The following RIIAD1 variants were observed in gnomAD, a reference collection of about 807,000 sequenced individuals.
The protein encoded by RIIAD1 is RIIa domain-containing protein 1.
Under a neutral mutation model 13.3 loss-of-function variants are expected in RIIAD1, and 15 were observed. The observed-to-expected ratio is 1.13, with a 90% CI of 0.76 to 1.74. RIIAD1 has a LOEUF of 1.74. RIIAD1 is among the 40% of genes most tolerant of loss of function. The pLI is 0.00. For synonymous variants in RIIAD1, 50 were observed against 43.3 expected (o/e 1.16, Z -0.61); for missense variants, 121 against 112.2 (o/e 1.08, Z -0.35).
chr1:151,714,750 C>T (rs968017761), intron 4 of RIIAD1: 11 of 1,078,374 alleles, frequency 1.0e-5, no homozygotes, highest in African/African-American at 1.6e-5. Flanking sequence ...AGGCTCCCTT[C>T]CAAAGACTGA....
At chr1:151,724,611 A>G (rs1468500179) in intron 2 of RIIAD1, among the ~76,000 whole-genome samples, 1 of 152,188 alleles carries the variant, frequency 6.6e-6, no homozygotes, top group Non-Finnish European at 1.5e-5. Flanking sequence ...TTTAGATCCT[A>G]ATGATTTATG....
intron 2 of RIIAD1, among the ~76,000 whole-genome samples, chr1:151,712,912 C>G (rs1324990444): frequency 6.6e-6 from 1 of 152,122 alleles, no homozygotes; most frequent in African/African-American, 2.4e-5. Context: ...TGCATGCACA[C>G]ACACTCATGC....
intron 4 of RIIAD1, chr1:151,716,495 C>T: frequency 3.1e-6 from 1 of 323,986 alleles, no homozygotes; most frequent in South Asian, 2.5e-5. Context: ...GGGGGGCCCA[C>T]TCCTGATGTG....
upstream of RIIAD1, chr1:151,716,728 G>T (rs1272434910): frequency 1.4e-5 from 6 of 425,220 alleles, no homozygotes; most frequent in Non-Finnish European, 2.8e-5. Flanking sequence ...TGCTCCCGCC[G>T]CTGGGGCTGC....
chr1:151,721,752 C>A, intron 1 of RIIAD1, 132 bp downstream of exon 1: 1 of 537,924 alleles, frequency 1.9e-6, no homozygotes, highest in Non-Finnish European at 3.1e-6. Context: ...GGGGAGGGCG[C>A]AGGGGAGACC....
At position 151,722,096 on chromosome 1, in the gene RIIAD1, G is replaced by A. The variant is rs754638346; in HGVS notation, c.95G>A (p.Arg32Gln). The change falls in exon 2 of 5, where the codon CGG becomes CAG. Residue 32 changes from arginine to glutamine, a missense_variant. By Grantham distance (43) the Arg-to-Gln change is conservative (BLOSUM62 1). Coordinates refer to ENST00000479191, the MANE Select transcript of RIIAD1 (RefSeq NM_001144956.3). The stretch of plus-strand genomic sequence containing the variant: ...GTTCTTGCCCCCCAGATTCAGACTC[G>A]GATTGCTAACGAAAAGTACCTAAGG... ...EQLRKFKIQTRIANEKYLRTH... is the reference protein window; with the variant it reads ...EQLRKFKIQTQIANEKYLRTH... The A allele has an allele frequency of 6.4e-6, 10 of 1,550,608 alleles. No homozygotes were observed. Among genetic ancestry groups the A allele is most frequent in the Non-Finnish European group, 8.7e-6 (10 of 1,146,236 alleles).
upstream of RIIAD1, among the ~76,000 whole-genome samples, chr1:151,718,623 G>C (rs866571782): frequency 6.6e-6 from 1 of 152,200 alleles, no homozygotes; most frequent in South Asian, 2.1e-4. Context: ...TTGCATTTGA[G>C]TGAATGTGTA....
At chr1:151,718,687 G>A (rs368265314), upstream of RIIAD1, among the ~76,000 whole-genome samples, 18 of 152,300 alleles carry the variant, frequency 1.2e-4, no homozygotes, top group Middle Eastern at 6.8e-3. Flanking sequence ...CCCCCAAGTA[G>A]GGTCCCCTAA....
Position 151,728,796 on chromosome 1 carries a change from A to G in RIIAD1, c.239A>G (p.Lys80Arg). ...TTCACGGATCCAAGACTTCCCAACA[A>G]GATTCACATGCAGCTAATTAAAGAC... ...DYFTDPRLPN[K>R]IHMQLIKDKK... The change falls in exon 4 of 5, where the codon AAG (lysine) becomes AGG (arginine). Residue 80 changes from lysine (K) to arginine (R), a missense_variant. By Grantham distance (26) the Lys-to-Arg change is conservative. Coordinates refer to ENST00000479191, the MANE Select transcript of RIIAD1 (RefSeq NM_001144956.3). The G allele has an allele frequency of 6.5e-7, 1 of 1,545,956 alleles. No homozygotes were observed. Among genetic ancestry groups the G allele is most frequent in the East Asian group, 2.4e-5 (1 of 40,878 alleles).
chr1:151,720,181 T>C (rs1296449419), upstream of RIIAD1, among the ~76,000 whole-genome samples: 2 of 152,214 alleles, frequency 1.3e-5, no homozygotes, highest in Non-Finnish European at 2.9e-5. Flanking sequence ...ATTTAACACC[T>C]ACAGCCACTT....
Position 151,724,665 on chromosome 1 carries a change from G to A in RIIAD1, c.161+2503G>A, listed in dbSNP as rs566697386. 5.1e-4 allele frequency among the ~76,000 whole-genome samples: 77 copies of A among 152,300 alleles called. 1 individual carries two copies. In the South Asian group the frequency reaches 0.01, roughly 20 times the overall value. ...TCCAGCCTATATTGGTAAATACAGC[G>A]TACCAAACTCTTAACACCTTGAGTT... On this transcript the variant is annotated intron_variant, in intron 2 of 4. Transcript: ENST00000479191.
At chr1:151,727,723 G>A (rs1049298543) in intron 3 of RIIAD1, 102 bp downstream of exon 3, 2 of 783,108 alleles carry the variant, frequency 2.6e-6, no homozygotes, top group African/African-American at 1.8e-5. Flanking sequence ...CCAGAGTCTG[G>A]GGTACTCCTT....
At position 151,715,869 on chromosome 1, in the gene RIIAD1, C is replaced by T. The variant is rs763351161; in HGVS notation, c.21+1340C>T. 36 of 1,610,814 alleles carry T rather than the reference C, an allele frequency of 2.2e-5. No individual in the cohort carries two copies. The South Asian group carries it at 3.7e-4, about 17-fold the overall frequency. ...CCGAAGCCTCTTCAGCCTGCCCGAC[C>T]CCTCACCCTTGTGCAGCCCGGTGTA... On this transcript the variant is annotated intron_variant, in intron 4 of 8. Transcript: ENST00000326413.
At chr1:151,716,852 T>C (rs1048875148), upstream of RIIAD1, 8 of 440,082 alleles carry the variant, frequency 1.8e-5, no homozygotes, top group East Asian at 7.8e-5. Flanking sequence ...TCCCCTGACA[T>C]CAGTGATGTC....
rs1673460228 is a variant in RIIAD1, at chr1:151,716,095, G to T, written c.21+1566G>T. ...GCCAAGGGGAGCTGCCCAGCAAGGA[G>T]ATAAGTGGTGGGGCCCGGGGGCCCA... On this transcript the variant is annotated intron_variant, in intron 4 of 8. Coordinates refer to the RIIAD1 transcript ENST00000326413. 3.6e-5 allele frequency: 53 copies of T among 1,471,508 alleles called. 1 individual carries two copies. The South Asian group carries it at 7.0e-4, about 19-fold the overall frequency. 91.2% of individuals were successfully genotyped at this position (1,471,508 alleles called of 1,614,324 possible).
Position 151,727,574 on chromosome 1 carries a change from G to C in RIIAD1, c.162-1G>C. ...CCATCCTATCCCTTAATGTTTTCCA[G>C]AGAAATATTTTTGAAAAGACCAGAC... On this transcript the variant is annotated splice_acceptor_variant, in intron 2 of 4. Coordinates refer to ENST00000479191, the MANE Select transcript of RIIAD1 (RefSeq NM_001144956.3). LOFTEE classifies it high-confidence loss of function. The C allele has an allele frequency of 6.5e-7, 1 of 1,547,236 alleles. No homozygotes were observed. Among genetic ancestry groups the C allele is most frequent in the Non-Finnish European group, 8.7e-7 (1 of 1,143,034 alleles).
upstream of RIIAD1, among the ~76,000 whole-genome samples, chr1:151,721,043 T>C (rs1271723923): frequency 6.6e-6 from 1 of 152,164 alleles, no homozygotes; most frequent in Non-Finnish European, 1.5e-5. Context: ...GAACGTTCCT[T>C]CCTTTGCAGA....
At chr1:151,718,097 G>A (rs780184001), upstream of RIIAD1, among the ~76,000 whole-genome samples, 1 of 152,082 alleles carries the variant, frequency 6.6e-6, no homozygotes, top group Non-Finnish European at 1.5e-5. Context: ...AGGCACTCGT[G>A]TCTCTAAACT....
At chr1:151,728,445 G>A (rs1354249941) in intron 3 of RIIAD1, 2 of 352,618 alleles carry the variant, frequency 5.7e-6, no homozygotes, top group South Asian at 8.6e-5. Context: ...CTGTGCGTCA[G>A]CAGGCGGAGG....
Sources: allele counts gnomAD v4.1 joint callset (sites outside exome capture counted in the v4.1 genomes callset), GRCh38; gene constraint gnomAD v4.1.1; transcripts MANE v1.5; gene names NCBI Gene and HGNC (gene_info 2026-07-23, HGNC 2026-07-21).